The following PRUNE2 variants were observed in gnomAD, a reference collection of about 807,000 sequenced individuals.
The protein encoded by PRUNE2 is prune homolog 2 with BCH domain.
In PRUNE2, 164 loss-of-function variants were observed where a neutral mutation model predicts 252.0. The observed-to-expected ratio is 0.65, with a 90% CI of 0.57 to 0.74. The LOEUF is 0.74. Ranked by LOEUF, PRUNE2 falls within the 30% of genes least tolerant of loss-of-function variation. The pLI is 0.00. For synonymous variants in PRUNE2, 1,292 were observed against 1,350.2 expected (o/e 0.96, Z 0.94); for missense variants, 3,495 against 3,711.0 (o/e 0.94, Z 1.51).
At chr9:76,723,383 CTTA>C (rs1453875546) in intron 6 of PRUNE2, among the ~76,000 whole-genome samples, 4 of 152,144 alleles carry the variant, frequency 2.6e-5, no homozygotes, top group Non-Finnish European at 5.9e-5. Flanking sequence ...ATGTACAAAT[CTTA>C]TTATCTAAAG....
chr9:76,833,209 A>G (rs530568004), intron 4 of PRUNE2, among the ~76,000 whole-genome samples: 35 of 152,320 alleles, frequency 2.3e-4, no homozygotes, highest in African/African-American at 7.5e-4. Context: ...AACTAGTCCC[A>G]AGTCAAATTC....
intron 14 of PRUNE2, 89 bp downstream of exon 14, chr9:76,637,328 AT>A (rs1840601810): frequency 8.1e-7 from 1 of 1,239,148 alleles, no homozygotes; most frequent in Non-Finnish European, 1.1e-6. Flanking sequence ...CTTCTTGTGT[AT>A]AATGAAGATA....
chr9:76,637,594 A>G, intron 13 of PRUNE2, 45 bp from the exon 14 acceptor site: 6 of 1,561,346 alleles, frequency 3.8e-6, no homozygotes, highest in Non-Finnish European at 5.3e-6. Flanking sequence ...CCCACATCCT[A>G]TTGACACCAT....
chr9:76,707,360 G>C lies in PRUNE2; in HGVS notation c.4914C>G (p.Ser1638=), dbSNP rs748009926. Residue 1638 remains serine, a synonymous_variant, in exon 8 of 19, where the codon TCC becomes TCG. Coordinates refer to ENST00000376718, the MANE Select transcript of PRUNE2 (RefSeq NM_015225.3). ...SVDGDSFSSL[S]SPETGKYSEH... is the part of the protein sequence containing the mutation. The stretch of plus-strand genomic sequence containing the variant: ...CAGAATATTTGCCTGTTTCAGGACT[G>C]GATAAAGAGGAAAAGGAATCACCAT... The C allele has an allele frequency of 1.5e-5, 24 of 1,613,798 alleles. No individual in the cohort carries two copies. Among genetic ancestry groups the C allele is most frequent in the Non-Finnish European group, 2.0e-5 (24 of 1,179,840 alleles).
At chr9:76,630,817 C>T (rs1020251999) in intron 15 of PRUNE2, among the ~76,000 whole-genome samples, 6 of 152,236 alleles carry the variant, frequency 3.9e-5, no homozygotes, top group Non-Finnish European at 8.8e-5. Flanking sequence ...TAAGCCTCTG[C>T]ACCCGGCCTG....
At chr9:76,661,988 C>T (rs747025033) in intron 9 of PRUNE2, among the ~76,000 whole-genome samples, 6 of 151,892 alleles carry the variant, frequency 4.0e-5, no homozygotes, top group Non-Finnish European at 5.9e-5. Flanking sequence ...CTCTAGTTAT[C>T]AATCACAAAA....
chr9:76,748,026 G>A (rs948783199), intron 6 of PRUNE2, among the ~76,000 whole-genome samples: 14 of 151,860 alleles, frequency 9.2e-5, no homozygotes, highest in Non-Finnish European at 2.1e-4. Context: ...TCAAACTCCC[G>A]ACCTCATGAT....
intron 1 of PRUNE2, among the ~76,000 whole-genome samples, chr9:76,882,819 C>A (rs983701687): frequency 2.6e-5 from 4 of 152,200 alleles, no homozygotes; most frequent in African/African-American, 9.6e-5. Context: ...GGACACATAT[C>A]CAAACCAGGT....
At position 76,614,311 on chromosome 9, in the gene PRUNE2, T is replaced by C. The variant is rs767452162; in HGVS notation, c.*259A>G. 16 of 537,938 alleles carry C rather than the reference T, an allele frequency of 3.0e-5. No individual in the cohort carries two copies. The highest frequency in any genetic ancestry group is 4.6e-5 in the Non-Finnish European group (14 of 306,074). 33.3% of individuals were successfully genotyped at this position (537,938 alleles called of 1,614,324 possible). ...ATCACTACACCGTGTTAATGAAGTATTGAAATGGAAGGTCCTACTTTCTTG... is the reference window on the plus strand; with the variant it reads ...ATCACTACACCGTGTTAATGAAGTACTGAAATGGAAGGTCCTACTTTCTTG... On this transcript the variant is annotated 3_prime_UTR_variant, in exon 19 of 19. Coordinates refer to ENST00000376718, the MANE Select transcript of PRUNE2 (RefSeq NM_015225.3).
chr9:76,800,009 A>T (rs1273041345), intron 6 of PRUNE2, among the ~76,000 whole-genome samples: 1 of 152,134 alleles, frequency 6.6e-6, no homozygotes, highest in African/African-American at 2.4e-5. Flanking sequence ...AGCAGTGGCC[A>T]AGAGACCAAA....
At chr9:76,905,433 G>C (rs1350624405) in intron 1 of PRUNE2, among the ~76,000 whole-genome samples, 1 of 152,206 alleles carries the variant, frequency 6.6e-6, no homozygotes, top group Non-Finnish European at 1.5e-5. Context: ...TCCTGCAGTG[G>C]AGCAAGCTCT....
chr9:76,758,088 T>C (rs2051328635), intron 6 of PRUNE2, among the ~76,000 whole-genome samples: 1 of 152,190 alleles, frequency 6.6e-6, no homozygotes, highest in Non-Finnish European at 1.5e-5. Flanking sequence ...TATAACAAAA[T>C]AGAAAGTTCA....
In PRUNE2 at chr9:76,706,404, T is replaced by C. The variant is rs750966495; in HGVS notation, c.5870A>G (p.Glu1957Gly). Residue 1957 changes from glutamate (E) to glycine (G), a missense_variant, in exon 8 of 19, where the codon GAG becomes GGG. Glu to Gly is a moderately conservative substitution (Grantham distance 98). Coordinates refer to ENST00000376718, the MANE Select transcript of PRUNE2 (RefSeq NM_015225.3). ...TGGCAGCATGGTGTCCTGACACTGC[T>C]CTTGGGTAGGTGTTTCAGGAGTCAG... ...DELTPETPTQ[E>G]QCQDTMLPVC... 2.2e-5 allele frequency: 35 copies of C among 1,609,828 alleles called. No individual in the cohort carries two copies. The East Asian group carries it at 7.6e-4, about 35-fold the overall frequency.
intron 2 of PRUNE2, among the ~76,000 whole-genome samples, chr9:76,852,326 T>C (rs2060005381): frequency 6.6e-6 from 1 of 152,244 alleles, no homozygotes; most frequent in Non-Finnish European, 1.5e-5. Flanking sequence ...ACTCCTGATA[T>C]TGAAACTTGA....
chr9:76,793,293 A>G (rs2055736094), intron 6 of PRUNE2, among the ~76,000 whole-genome samples: 1 of 152,248 alleles, frequency 6.6e-6, no homozygotes, highest in Admixed American at 6.5e-5. Flanking sequence ...ATAAATAATA[A>G]TGAACAATAA....
At chr9:76,660,043 T>A (rs1850681988) in intron 9 of PRUNE2, among the ~76,000 whole-genome samples, 1 of 152,022 alleles carries the variant, frequency 6.6e-6, no homozygotes, top group African/African-American at 2.4e-5. Context: ...AAATGCTATA[T>A]GAAATAGCAT....
At chr9:76,905,027 T>C (rs1406809684) in intron 1 of PRUNE2, among the ~76,000 whole-genome samples, 2 of 152,232 alleles carry the variant, frequency 1.3e-5, no homozygotes, top group Non-Finnish European at 2.9e-5. Flanking sequence ...TTTCTTTCTA[T>C]GCCAGGCCTG....
chr9:76,650,869 A>T (rs1032136853), intron 11 of PRUNE2, among the ~76,000 whole-genome samples: 1 of 152,218 alleles, frequency 6.6e-6, no homozygotes, highest in Non-Finnish European at 1.5e-5. Context: ...GTGGTGTGAC[A>T]AAGCTCTCCT....
chr9:76,888,177 C>T (rs1011365865), intron 1 of PRUNE2, among the ~76,000 whole-genome samples: 4 of 152,076 alleles, frequency 2.6e-5, no homozygotes, highest in African/African-American at 9.7e-5. Flanking sequence ...TGGAACCACG[C>T]ACCACTAACA....
Sources: gnomAD v4.1 joint callset for allele counts (sites outside exome capture counted in the v4.1 genomes callset) on GRCh38, gnomAD v4.1.1 for gene constraint, MANE v1.5 for transcripts, NCBI Gene and HGNC (gene_info 2026-07-23, HGNC 2026-07-21) for gene names.